The following MGAM variants were observed in gnomAD, a reference collection of about 807,000 sequenced individuals.
MGAM encodes the protein alpha-1,4-glucosidase.
MGAM carries 253 observed loss-of-function variants against 358.8 expected under a neutral mutation model. The ratio of observed to expected loss-of-function variants is 0.71; its 90% confidence interval spans 0.64 to 0.78. MGAM has a LOEUF of 0.78. MGAM is among the 30% of genes least tolerant of loss of function. MGAM has a pLI of 0.00. For missense variants in MGAM, 3,080 were observed against 3,432.6 expected, an observed-to-expected ratio of 0.90 and a Z score of 2.57; for synonymous variants, 1,105 against 1,227.1, an observed-to-expected ratio of 0.90 and a Z score of 2.08.
rs369025335 is a variant in MGAM at position 142,097,624 on chromosome 7, G to A, written c.7724G>A (p.Arg2575Lys). 6.2e-7 allele frequency: 1 copy of A among 1,612,094 alleles called. No homozygotes were observed. Among genetic ancestry groups the A allele is most frequent in the African/African-American group, 1.3e-5 (1 of 74,900 alleles). ...AGAAATGTCACTGCATATTTCCCTA[G>A]AGCCCGCTGGTATGATTACTACACG... ...NARNVTAYFP[R>K]ARWYDYYTGV... The change falls in exon 66 of 71, where the codon AGA (arginine) becomes AAA (lysine). Residue 2575 changes from arginine to lysine, a missense_variant. Physicochemically the swap from Arg to Lys is conservative, Grantham distance 26. Transcript: ENST00000475668.
intron 4 of MGAM, 90 bp downstream of exon 4, chr7:142,019,409 T>C: frequency 7.2e-7 from 1 of 1,382,020 alleles, no homozygotes; most frequent in Non-Finnish European, 9.8e-7. Flanking sequence ...AGTTCTGCTC[T>C]GTGGGGCCAT....
Position 142,023,038 on chromosome 7 carries a change from G to A in MGAM, c.882+599G>A, listed in dbSNP as rs1554459581. ...TTTCTGGATTTGGCAATACTCTGTT[G>A]TTCAGGGCCTTTCTTTTTCTTTTCT... On this transcript the variant is annotated intron_variant, in intron 7 of 70. Coordinates refer to ENST00000475668, the MANE Select transcript of MGAM (RefSeq NM_001365693.1). Among the ~76,000 whole-genome samples the A allele has an allele frequency of 2.0e-5, 3 of 152,022 alleles. 1 individual carries two copies. Among genetic ancestry groups the A allele is most frequent in the African/African-American group, 7.2e-5 (3 of 41,406 alleles).
chr7:141,990,765 T>G (rs1803911320), intron 2 of MGAM, among the ~76,000 whole-genome samples: 1 of 152,266 alleles, frequency 6.6e-6, no homozygotes, highest in African/African-American at 2.4e-5. Flanking sequence ...TGTGCCATGC[T>G]GGTGCGCTGC....
At position 142,054,868 on chromosome 7, in the gene MGAM, T is replaced by C. The variant is rs545704228; in HGVS notation, c.3274T>C (p.Phe1092Leu). The change falls in exon 27 of 71, where the codon TTT (phenylalanine) becomes CTT (leucine). Residue 1092 changes from phenylalanine (F) to leucine (L), a missense_variant. Phe to Leu is a conservative substitution (Grantham distance 22). This residue lies in a region of MGAM where 1,816 missense variants were observed against 1,840.5 expected (regional missense o/e 0.99). Coordinates refer to ENST00000475668, the MANE Select transcript of MGAM (RefSeq NM_001365693.1). ...LYDVLIKKNP[F>L]GIEIRRKSTG... ...TGATGTGCTCATTAAGAAGAATCCA[T>C]TTGGGATTGAAATTCGCCGGAAGAG... 6.2e-7 allele frequency: 1 copy of C among 1,613,878 alleles called. No homozygotes were observed. The highest frequency in any genetic ancestry group is 8.5e-7 in the Non-Finnish European group (1 of 1,179,816).
chr7:141,993,511 G>C (rs1554447759), upstream of MGAM, among the ~76,000 whole-genome samples: 1 of 152,176 alleles, frequency 6.6e-6, no homozygotes. Context: ...GGCAACCACA[G>C]GTTCACAGAT....
chr7:142,045,736 T>C (rs1243133167), intron 21 of MGAM, among the ~76,000 whole-genome samples: 1 of 70,670 alleles, frequency 1.4e-5, no homozygotes, highest in Non-Finnish European at 2.5e-5. Flanking sequence ...ATACAATGTA[T>C]GAATATATAA....
intron 49 of MGAM, among the ~76,000 whole-genome samples, chr7:142,080,481 A>G (rs1183112929): frequency 6.8e-6 from 1 of 146,356 alleles, no homozygotes; most frequent in East Asian, 2.0e-4. Context: ...ATATATTCTC[A>G]TATACCCACA....
At position 142,078,344 on chromosome 7, in the gene MGAM, T is replaced by C. The variant is rs1410322548; in HGVS notation, c.5520T>C (p.Leu1840=). ...LKVAIITDIN[L]FLGEAYTVEW... is the part of the protein sequence containing the mutation. ...TCGCCATTATCACAGACATCAATCT[T>C]TTCCTGGGAGAAGCATACACAGTGG... The change falls in exon 48 of 71, where the codon CTT becomes CTC. Residue 1840 remains leucine, a synonymous_variant. Transcript: ENST00000475668. 4 of 1,494,578 alleles carry C rather than the reference T, an allele frequency of 2.7e-6. 1 individual carries two copies. In the Middle Eastern group the frequency reaches 5.1e-4, roughly 192 times the overall value. The allele number at this position is 1,494,578 out of a possible 1,614,324, so 92.6% of individuals were successfully genotyped here.
At chr7:142,042,785 AATAT>A (rs1223437347) in intron 21 of MGAM, among the ~76,000 whole-genome samples, 1 of 78,044 alleles carries the variant, frequency 1.3e-5, no homozygotes, top group African/African-American at 5.1e-5. Context: ...ATCTAAATAT[AATAT>A]ATATACATAT....
rs142104322 is a variant in MGAM, at chr7:142,072,042, C to A, written c.5186+924C>A. ...ATACTAATGGGAAATATCCCTAAATCCAATACCAGTTGGCTTCCATTTTCT... is the reference window on the plus strand; with the variant it reads ...ATACTAATGGGAAATATCCCTAAATACAATACCAGTTGGCTTCCATTTTCT... On this transcript the variant is annotated intron_variant, in intron 44 of 70. Coordinates refer to ENST00000475668, the MANE Select transcript of MGAM (RefSeq NM_001365693.1). Among the ~76,000 whole-genome samples, 40 of 146,222 alleles carry A rather than the reference C, an allele frequency of 2.7e-4. 4 individuals carry two copies. Among genetic ancestry groups the A allele is most frequent in the African/African-American group, 8.2e-4 (34 of 41,216 alleles).
rs1339631826 is a variant in MGAM at position 142,042,008 on chromosome 7, TA to T, written c.2498+1164del. Reference sequence around the variant, plus strand: ...ATATAATATATATATATTATATATATAATATAATATATATATATTATATTAT... The same window carrying T: ...ATATAATATATATATATTATATATATATATAATATATATATATTATATTAT... On this transcript the variant is annotated intron_variant, in intron 21 of 70. Coordinates refer to ENST00000475668, the MANE Select transcript of MGAM (RefSeq NM_001365693.1). 4.0e-3 allele frequency among the ~76,000 whole-genome samples: 48 copies of T among 12,028 alleles called. 3 individuals carry two copies. The highest frequency in any genetic ancestry group is 0.02 in the African/African-American group (46 of 2,298). 7.9% of individuals were successfully genotyped at this position (12,028 alleles called of 152,430 possible).
intron 21 of MGAM, among the ~76,000 whole-genome samples, chr7:142,042,058 T>TACATATAATATATAACATACAATATATA (rs1808835001): frequency 1.3e-5 from 1 of 74,100 alleles, no homozygotes; most frequent in South Asian, 3.6e-4. Flanking sequence ...ATAATATATA[T>TACATATAATATATAACATACAATATATA]ACATATAATA....
At chr7:142,021,318 A>G (rs1219700794) in intron 5 of MGAM, among the ~76,000 whole-genome samples, 5 of 152,178 alleles carry the variant, frequency 3.3e-5, no homozygotes, top group Non-Finnish European at 7.3e-5. Flanking sequence ...CATTTACTCT[A>G]GATAACATGT....
intron 16 of MGAM, 142 bp downstream of exon 16, chr7:142,034,983 T>G (rs1056162593): frequency 2.5e-6 from 2 of 784,586 alleles, no homozygotes; most frequent in Non-Finnish European, 4.0e-6. Context: ...TTCATCCACA[T>G]CAGCAGGGCT....
chr7:142,029,419 G>A (rs1391186906), intron 10 of MGAM, among the ~76,000 whole-genome samples: 1 of 151,964 alleles, frequency 6.6e-6, no homozygotes, highest in Non-Finnish European at 1.5e-5. Context: ...AGAAAACTAG[G>A]GGAACTAGTT....
intron 68 of MGAM, 65 bp downstream of exon 68, chr7:142,100,955 G>C (rs967031384): frequency 7.1e-6 from 10 of 1,413,176 alleles, no homozygotes; most frequent in African/African-American, 2.9e-5. Context: ...TATCTTACAG[G>C]CCTGCTTTCA....
chr7:142,046,100 A>G (rs1585001607), intron 21 of MGAM, among the ~76,000 whole-genome samples: 2 of 139,150 alleles, frequency 1.4e-5, no homozygotes, highest in South Asian at 4.3e-4. Flanking sequence ...GTAATTATAT[A>G]TTTATTTTTA....
chr7:142,058,605 A>T (rs2960757), intron 31 of MGAM, among the ~76,000 whole-genome samples: 39,932 of 152,060 alleles, frequency 0.26, 6,800 homozygotes, highest in Non-Finnish European at 0.36. Flanking sequence ...CATTTCTTTC[A>T]CTTGGCTTCA....
intron 57 of MGAM, among the ~76,000 whole-genome samples, chr7:142,090,417 A>G (rs34100990): frequency 0.12 from 17,023 of 145,044 alleles, 2,665 homozygotes; most frequent in Middle Eastern, 0.25. Context: ...CTGGTGAAAG[A>G]TTCTCTTTGT....
Sources: allele counts gnomAD v4.1 joint callset (sites outside exome capture counted in the v4.1 genomes callset), GRCh38; gene constraint gnomAD v4.1.1; regional missense constraint gnomAD v4.1.1; transcripts MANE v1.5; gene names NCBI Gene and HGNC (gene_info 2026-07-23, HGNC 2026-07-21).